PTPRM: variants seen among roughly 807,000 people sequenced by gnomAD.
PTPRM encodes the protein protein tyrosine phosphatase receptor type M, also known as receptor-type tyrosine-protein phosphatase mu.
In PTPRM, 47 loss-of-function variants were observed where a neutral mutation model predicts 186.7. That is an observed-to-expected ratio of 0.25 (90% CI 0.20 to 0.32). PTPRM has a LOEUF of 0.32. Ranked by LOEUF, PTPRM falls within the 10% of genes least tolerant of loss-of-function variation. PTPRM has a pLI of 1.00. For synonymous variants in PTPRM, 668 were observed against 674.9 expected, an observed-to-expected ratio of 0.99 and a Z score of 0.16; for missense variants, 1,494 against 1,865.0, an observed-to-expected ratio of 0.80 and a Z score of 3.66.
At chr18:7,790,967 T>C (rs1419868397) in intron 2 of PTPRM, among the ~76,000 whole-genome samples, 2 of 152,050 alleles carry the variant, frequency 1.3e-5, no homozygotes, top group African/African-American at 4.8e-5. Context: ...AAAAAACAAA[T>C]TGTGATAAAA....
At chr18:8,141,776 C>A (rs2146097644) in intron 13 of PTPRM, among the ~76,000 whole-genome samples, 2 of 151,614 alleles carry the variant, frequency 1.3e-5, no homozygotes, top group Middle Eastern at 3.4e-3. Flanking sequence ...AATGGCTTTC[C>A]AGTATGTCAA....
chr18:8,045,412 A>G (rs923455296), intron 7 of PTPRM, among the ~76,000 whole-genome samples: 2 of 152,232 alleles, frequency 1.3e-5, no homozygotes, highest in Admixed American at 6.5e-5. Context: ...TGGAAACAAC[A>G]TATAGTTCTC....
intron 1 of PTPRM, among the ~76,000 whole-genome samples, chr18:7,629,897 T>G (rs1247003740): frequency 1.3e-5 from 2 of 152,084 alleles, no homozygotes; most frequent in Admixed American, 1.3e-4. Flanking sequence ...GACTGGTTAA[T>G]AGACTATTGA....
At chr18:7,972,212 G>GA (rs1568104256) in intron 7 of PTPRM, among the ~76,000 whole-genome samples, 1 of 126,116 alleles carries the variant, frequency 7.9e-6, no homozygotes, top group East Asian at 2.1e-4. Context: ...ATCGCAAGAA[G>GA]AAAAAACCAA....
chr18:7,882,398 G>A (rs1332450428), intron 2 of PTPRM, among the ~76,000 whole-genome samples: 1 of 152,038 alleles, frequency 6.6e-6, no homozygotes, highest in African/African-American at 2.4e-5. Context: ...GTTCTAACTG[G>A]TTGTATCTGC....
chr18:7,886,118 C>T (rs2048772083), intron 2 of PTPRM, among the ~76,000 whole-genome samples: 1 of 152,202 alleles, frequency 6.6e-6, no homozygotes, highest in African/African-American at 2.4e-5. Flanking sequence ...CATGCCTCAG[C>T]TCCACCAGTA....
At chr18:8,157,247 T>A (rs1382023720) in intron 14 of PTPRM, among the ~76,000 whole-genome samples, 1 of 152,210 alleles carries the variant, frequency 6.6e-6, no homozygotes, top group African/African-American at 2.4e-5. Flanking sequence ...AGAAAACAAG[T>A]TGATACCTTT....
intron 1 of PTPRM, among the ~76,000 whole-genome samples, chr18:7,633,418 A>T (rs575761131): frequency 2.0e-5 from 3 of 152,054 alleles, no homozygotes; most frequent in African/African-American, 7.2e-5. Context: ...AATATTTCAC[A>T]TCCTTTCTGG....
intron 8 of PTPRM, among the ~76,000 whole-genome samples, chr18:8,072,202 T>G (rs1463325434): frequency 6.6e-6 from 1 of 152,212 alleles, no homozygotes; most frequent in Admixed American, 6.5e-5. Flanking sequence ...TTGATAAGCA[T>G]TTAGTTCATG....
chr18:7,927,362 T>C (rs2051233511), intron 5 of PTPRM, among the ~76,000 whole-genome samples: 1 of 152,190 alleles, frequency 6.6e-6, no homozygotes, highest in Non-Finnish European at 1.5e-5. Context: ...CTTGGTATTC[T>C]CCAGTTGCAT....
chr18:7,942,299 A>AAT (rs530470227), intron 5 of PTPRM, among the ~76,000 whole-genome samples: 12 of 151,126 alleles, frequency 7.9e-5, no homozygotes, highest in African/African-American at 2.2e-4. Context: ...AAAAAAAAAA[A>AAT]TATTTAATAC....
chr18:7,603,814 C>T (rs924633832), intron 1 of PTPRM, among the ~76,000 whole-genome samples: 4 of 152,176 alleles, frequency 2.6e-5, no homozygotes, highest in African/African-American at 9.7e-5. Flanking sequence ...AGCATTGATC[C>T]CTGCTGCTGT....
chr18:7,825,028 T>A (rs1214437529), intron 2 of PTPRM, among the ~76,000 whole-genome samples: 2 of 152,178 alleles, frequency 1.3e-5, no homozygotes, highest in Non-Finnish European at 2.9e-5. Context: ...TTTCTCTTAG[T>A]TCAACTAGCA....
chr18:7,956,016 T>C (rs914213240), intron 7 of PTPRM, among the ~76,000 whole-genome samples: 3 of 152,346 alleles, frequency 2.0e-5, no homozygotes, highest in African/African-American at 7.2e-5. Flanking sequence ...GTAGGGTTAA[T>C]GGAGAGAGAA....
At chr18:8,322,058 A>G (rs1007630669) in intron 22 of PTPRM, among the ~76,000 whole-genome samples, 3 of 152,198 alleles carry the variant, frequency 2.0e-5, no homozygotes, top group African/African-American at 7.2e-5. Context: ...AGGCAGATGC[A>G]GTCTTTAAAT....
intron 13 of PTPRM, among the ~76,000 whole-genome samples, chr18:8,137,040 G>A (rs1350129590): frequency 6.6e-6 from 1 of 152,162 alleles, no homozygotes; most frequent in Non-Finnish European, 1.5e-5. Context: ...TATCTTTTGG[G>A]ACCAGTGCTC....
intron 14 of PTPRM, among the ~76,000 whole-genome samples, chr18:8,222,236 CT>C (rs1417662440): frequency 5.9e-5 from 9 of 152,136 alleles, no homozygotes; most frequent in African/African-American, 2.2e-4. Context: ...AGAATGAATA[CT>C]GGAAAAGACA....
chr18:8,074,499 C>T (rs929106309), intron 8 of PTPRM, among the ~76,000 whole-genome samples: 1 of 152,136 alleles, frequency 6.6e-6, no homozygotes, highest in African/African-American at 2.4e-5. Flanking sequence ...TTCAAAGTAG[C>T]GGCATGACTT....
intron 7 of PTPRM, among the ~76,000 whole-genome samples, chr18:8,038,544 G>A (rs1462517760): frequency 6.6e-5 from 10 of 152,016 alleles, no homozygotes; most frequent in East Asian, 1.9e-4. Context: ...AGCGTGTACC[G>A]CCATGCCTGG....
Sources: gnomAD v4.1 joint callset for allele counts (sites outside exome capture counted in the v4.1 genomes callset) on GRCh38, gnomAD v4.1.1 for gene constraint, MANE v1.5 for transcripts, NCBI Gene and HGNC (gene_info 2026-07-23, HGNC 2026-07-21) for gene names.